SNX13: variants seen among roughly 807,000 people sequenced by gnomAD.
SNX13 encodes the protein sorting nexin-13.
Under a neutral mutation model 133.6 loss-of-function variants are expected in SNX13, and 45 were observed. That is an observed-to-expected ratio of 0.34 (90% CI 0.27 to 0.43). The LOEUF (loss-of-function observed/expected upper bound fraction) is 0.43, where lower values mean the gene tolerates loss of function less well. Among genes scored for constraint, SNX13 ranks in the 20% least tolerant of loss-of-function variants. The pLI is 1.00. For missense variants in SNX13, 1,032 were observed against 1,145.1 expected (o/e 0.90, Z 1.43); for synonymous variants, 414 against 373.9 (o/e 1.11, Z -1.24).
At chr7:17,878,430 G>A (rs1363880654) in intron 5 of SNX13, among the ~76,000 whole-genome samples, 1 of 152,056 alleles carries the variant, frequency 6.6e-6, no homozygotes, top group Non-Finnish European at 1.5e-5. Flanking sequence ...TGACAGAATG[G>A]TTGCAAGAAA....
intron 1 of SNX13, among the ~76,000 whole-genome samples, chr7:17,914,150 G>T (rs888198615): frequency 2.0e-5 from 3 of 150,168 alleles, no homozygotes; most frequent in African/African-American, 7.4e-5. Context: ...TTCAAAGGCC[G>T]ATCCTGCAAA....
At chr7:17,801,414 T>C (rs1474270310) in intron 22 of SNX13, among the ~76,000 whole-genome samples, 174 bp downstream of exon 22, 2 of 151,922 alleles carry the variant, frequency 1.3e-5, no homozygotes, top group Non-Finnish European at 2.9e-5. Flanking sequence ...GTGATAATCT[T>C]ATTTTTTGAT....
intron 11 of SNX13, among the ~76,000 whole-genome samples, chr7:17,848,280 C>T (rs1790790807): frequency 6.6e-6 from 1 of 152,172 alleles, no homozygotes; most frequent in Non-Finnish European, 1.5e-5. Context: ...AGCTCCCCTT[C>T]CCACTGAGAA....
intron 5 of SNX13, among the ~76,000 whole-genome samples, chr7:17,884,153 A>C (rs1357202169): frequency 6.6e-6 from 1 of 152,198 alleles, no homozygotes; most frequent in Non-Finnish European, 1.5e-5. Context: ...ACAACTATAC[A>C]AAGTAGCATA....
At chr7:17,826,216 T>C in intron 16 of SNX13, 125 bp from the exon 17 acceptor site, 1 of 541,578 alleles carries the variant, frequency 1.8e-6, no homozygotes, top group Non-Finnish European at 3.3e-6. Context: ...ATATTATTTG[T>C]ATACCCTCCA....
At chr7:17,926,366 T>TA (rs35077641) in intron 1 of SNX13, among the ~76,000 whole-genome samples, 3 of 152,170 alleles carry the variant, frequency 2.0e-5, no homozygotes, top group African/African-American at 4.8e-5. Context: ...AATTCTGGCT[T>TA]AAAAAAAGGT....
At chr7:17,897,301 A>T (rs768878407) in intron 2 of SNX13, 33 bp downstream of exon 2, 3 of 1,223,088 alleles carry the variant, frequency 2.5e-6, no homozygotes, top group Non-Finnish European at 3.4e-6. Flanking sequence ...GATATGACAC[A>T]TGAATTATAA....
At chr7:17,927,624 G>A (rs1562536848) in intron 1 of SNX13, among the ~76,000 whole-genome samples, 3 of 152,092 alleles carry the variant, frequency 2.0e-5, no homozygotes, top group Non-Finnish European at 4.4e-5. Flanking sequence ...TAGATTGCCT[G>A]TCCTTATGAC....
intron 8 of SNX13, 66 bp from the exon 9 acceptor site, chr7:17,868,556 T>C (rs1425137255): frequency 1.6e-6 from 2 of 1,223,256 alleles, no homozygotes; most frequent in African/African-American, 1.5e-5. Flanking sequence ...ATAATGTAAA[T>C]ATTCTAACAC....
chr7:17,824,757 T>C, intron 17 of SNX13, among the ~76,000 whole-genome samples: 1 of 149,404 alleles, frequency 6.7e-6, no homozygotes, highest in Non-Finnish European at 1.5e-5. Context: ...TTACATATGT[T>C]TGTCAGGAAG....
chr7:17,812,387 A>G (rs532278903), intron 20 of SNX13, among the ~76,000 whole-genome samples: 8 of 152,328 alleles, frequency 5.3e-5, no homozygotes, highest in Non-Finnish European at 1.0e-4. Context: ...GCCAACAAAC[A>G]TGAAAAAAAG....
intron 11 of SNX13, 43 bp downstream of exon 11, chr7:17,850,304 T>A: frequency 2.3e-6 from 3 of 1,323,748 alleles, no homozygotes; most frequent in Non-Finnish European, 3.1e-6. Context: ...CCCTATAGTA[T>A]AGTATTTATA....
At chr7:17,937,324 G>A (rs1010352004) in intron 1 of SNX13, among the ~76,000 whole-genome samples, 9 of 151,872 alleles carry the variant, frequency 5.9e-5, no homozygotes, top group Admixed American at 5.2e-4. Flanking sequence ...TCACTTGTGT[G>A]GCTTCTCATT....
At chr7:17,859,914 T>G (rs1583513112) in intron 9 of SNX13, among the ~76,000 whole-genome samples, 1 of 152,286 alleles carries the variant, frequency 6.6e-6, no homozygotes, top group East Asian at 1.9e-4. Context: ...TGATAGACAC[T>G]TAAGGTTATT....
intron 1 of SNX13, among the ~76,000 whole-genome samples, chr7:17,914,752 T>C (rs1799355986): frequency 2.0e-5 from 3 of 152,078 alleles, no homozygotes; most frequent in South Asian, 4.1e-4. Flanking sequence ...AAAATAACAA[T>C]ACTTGCTGTC....
Position 17,834,224 on chromosome 7 carries a change from G to A in SNX13, c.1465-40C>T, listed in dbSNP as rs776009242. The A allele has an allele frequency of 3.4e-6, 5 of 1,477,324 alleles. No individual in the cohort carries two copies. The East Asian group carries it at 7.1e-5, about 21-fold the overall frequency. 91.5% of individuals were successfully genotyped at this position (1,477,324 alleles called of 1,614,324 possible). On this transcript the variant is annotated intron_variant, in intron 14 of 25. Transcript: ENST00000428135. Reference sequence around the variant, plus strand: ...TCAAGATATTCAACAATTAATACAGGTGTGTGGTGATTTTTACAAAACACA... The same window carrying A: ...TCAAGATATTCAACAATTAATACAGATGTGTGGTGATTTTTACAAAACACA...
intron 1 of SNX13, among the ~76,000 whole-genome samples, chr7:17,931,077 C>T (rs1346814576): frequency 1.3e-5 from 2 of 152,122 alleles, no homozygotes; most frequent in African/African-American, 4.8e-5. Flanking sequence ...CTGACTCCCA[C>T]CAGGATTAAC....
At chr7:17,817,015 C>T (rs755807090) in intron 18 of SNX13, among the ~76,000 whole-genome samples, 2 of 152,084 alleles carry the variant, frequency 1.3e-5, no homozygotes, top group South Asian at 4.1e-4. Context: ...TATATAACCC[C>T]GTGTATACAC....
intron 15 of SNX13, among the ~76,000 whole-genome samples, chr7:17,832,743 T>C (rs1390332530): frequency 1.3e-5 from 2 of 151,538 alleles, no homozygotes; most frequent in Non-Finnish European, 3.0e-5. Context: ...AATCAGTTAA[T>C]ACATTATTCC....
Sources: gnomAD v4.1 joint callset for allele counts (sites outside exome capture counted in the v4.1 genomes callset) on GRCh38, gnomAD v4.1.1 for gene constraint, MANE v1.5 for transcripts, NCBI Gene and HGNC (gene_info 2026-07-23, HGNC 2026-07-21) for gene names.